CHAMP1: variants seen among roughly 807,000 people sequenced by gnomAD.
The protein encoded by CHAMP1 is chromosome alignment-maintaining phosphoprotein 1.
CHAMP1 carries 4 observed loss-of-function variants against 54.5 expected under a neutral mutation model. The ratio of observed to expected loss-of-function variants is 0.07; its 90% confidence interval spans 0.04 to 0.17. CHAMP1 has a LOEUF of 0.17. Among genes scored for constraint, CHAMP1 ranks in the 10% least tolerant of loss-of-function variants. The pLI, the probability that CHAMP1 is intolerant of heterozygous loss-of-function variation, is 1.00. For missense variants in CHAMP1, 994 were observed against 968.6 expected, an observed-to-expected ratio of 1.03 and a Z score of -0.35; for synonymous variants, 368 against 342.2, an observed-to-expected ratio of 1.08 and a Z score of -0.83.
intron 1 of CHAMP1, among the ~76,000 whole-genome samples, chr13:114,317,203 A>G (rs987728928): frequency 1.3e-5 from 2 of 152,068 alleles, no homozygotes; most frequent in African/African-American, 4.8e-5. Context: ...TTTTTAGTAG[A>G]GACAGGGTTT....
Position 114,325,215 on chromosome 13 carries a change from C to T in CHAMP1, c.1373C>T (p.Thr458Ile), listed in dbSNP as rs782647633. ...LWKLSPDQRK[T>I]SPASLDFPES... Reference sequence around the variant, plus strand: ...AAGCTTTCTCCTGATCAGCGGAAAACTTCTCCTGCTTCACTTGATTTCCCT... The same window carrying T: ...AAGCTTTCTCCTGATCAGCGGAAAATTTCTCCTGCTTCACTTGATTTCCCT... Residue 458 changes from threonine (T) to isoleucine (I), a missense_variant, in exon 3 of 3, where the codon ACT (threonine) becomes ATT (isoleucine). Around this residue, in one of 3 missense-constraint regions of CHAMP1, gnomAD observed 851 missense variants for 701.3 expected, o/e 1.21. Coordinates refer to ENST00000361283, the MANE Select transcript of CHAMP1 (RefSeq NM_032436.4). 9 of 1,614,180 alleles carry T rather than the reference C, an allele frequency of 5.6e-6. No homozygotes were observed. Among genetic ancestry groups the T allele is most frequent in the Non-Finnish European group, 7.6e-6 (9 of 1,180,036 alleles).
At chr13:114,322,973 C>T (rs1005209773) in intron 2 of CHAMP1, 5 of 152,050 alleles carry the variant, frequency 3.3e-5, no homozygotes, top group South Asian at 2.1e-4. Flanking sequence ...TCATGTTTTC[C>T]GGCAACTGTG....
intron 1 of CHAMP1, among the ~76,000 whole-genome samples, chr13:114,317,703 A>G (rs774212073): frequency 6.6e-6 from 1 of 152,166 alleles, no homozygotes; most frequent in Admixed American, 6.5e-5. Flanking sequence ...AGCTTTGAAC[A>G]TGTTCTACTT....
In CHAMP1 at chr13:114,319,694, T is replaced by C. The variant is rs115369265; in HGVS notation, c.-178-1416T>C. ...CAAGGCTGACTGTAGGACCTGAGTA[T>C]GTGTGGATTTTGGCATATGGGGGAA... is the stretch of plus-strand genomic sequence containing the variant. On this transcript the variant is annotated intron_variant, in intron 1 of 2. Coordinates refer to ENST00000361283, the MANE Select transcript of CHAMP1 (RefSeq NM_032436.4). Among the ~76,000 whole-genome samples, 1,299 of 152,316 alleles carry C rather than the reference T, an allele frequency of 8.5e-3. 19 individuals are homozygous for C. Among genetic ancestry groups the C allele is most frequent in the African/African-American group, 0.03 (1,239 of 41,564 alleles).
intron 1 of CHAMP1, among the ~76,000 whole-genome samples, chr13:114,316,265 G>C (rs914424730): frequency 2.7e-5 from 4 of 150,280 alleles, no homozygotes; most frequent in African/African-American, 9.8e-5. Flanking sequence ...TCGGATTTAA[G>C]CGATTCTCCT....
chr13:114,315,844 T>G (rs1198979248), intron 1 of CHAMP1, among the ~76,000 whole-genome samples: 7 of 151,738 alleles, frequency 4.6e-5, no homozygotes, highest in Non-Finnish European at 7.4e-5. Context: ...TGTTTTTTTT[T>G]TTTTTTTTGA....
Position 114,324,441 on chromosome 13 carries a change from C to T in CHAMP1, c.599C>T (p.Ala200Val). The T allele has an allele frequency of 3.1e-6, 5 of 1,614,156 alleles. No individual in the cohort carries two copies. The South Asian group carries it at 4.4e-5, about 14-fold the overall frequency. ...CCTGTTTGTGAGTCTCAGAAACTTG[C>T]CCCTGTTCCTTCTCCAGAACCACAG... ...SVPVCESQKL[A>V]PVPSPEPQKP... Residue 200 changes from alanine to valine, a missense_variant, in exon 3 of 3, where the codon GCC becomes GTC. By Grantham distance (64) the Ala-to-Val change is moderately conservative. Transcript: ENST00000361283.
chr13:114,315,595 T>C lies in CHAMP1; in HGVS notation c.-179+952T>C, dbSNP rs770339223. ...ACATTATACAGTATAAACGAGCACA[T>C]TGAACACATTATGTTGAGTGAAATA... On this transcript the variant is annotated intron_variant, in intron 1 of 2. Transcript: ENST00000361283. Among the ~76,000 whole-genome samples, 89 of 152,182 alleles carry C rather than the reference T, an allele frequency of 5.8e-4. 2 individuals are homozygous for C. Among genetic ancestry groups the C allele is most frequent in the Non-Finnish European group, 1.6e-4 (11 of 68,042 alleles).
intron 2 of CHAMP1, chr13:114,322,584 GT>G (rs1555379225): frequency 1.3e-5 from 2 of 152,184 alleles, no homozygotes; most frequent in African/African-American, 4.8e-5. Flanking sequence ...AGTAATAGAA[GT>G]TTTTGAGAGT....
At chr13:114,320,997 C>G (rs943145348) in intron 1 of CHAMP1, 113 bp from the exon 2 acceptor site, 2 of 150,362 alleles carry the variant, frequency 1.3e-5, no homozygotes, top group Non-Finnish European at 2.9e-5. Context: ...CTGGACTCCT[C>G]TCACTGTTAG....
At chr13:114,320,724 A>C (rs1297140323) in intron 1 of CHAMP1, among the ~76,000 whole-genome samples, 1 of 152,076 alleles carries the variant, frequency 6.6e-6, no homozygotes, top group African/African-American at 2.4e-5. Flanking sequence ...TGGGAGGCCG[A>C]GGCGGGCGGA....
Position 114,324,865 on chromosome 13 carries a change from A to C in CHAMP1, c.1023A>C (p.Pro341=). 1 of 1,614,102 alleles carries C rather than the reference A, an allele frequency of 6.2e-7. No homozygotes were observed. Among genetic ancestry groups the C allele is most frequent in the Non-Finnish European group, 8.5e-7 (1 of 1,180,010 alleles). ...SGPWKPAKPA[P]SVSPGPWKPI... is the part of the protein sequence containing the mutation. Reference sequence around the variant, plus strand: ...CTTGGAAGCCAGCTAAACCTGCTCCATCTGTGTCTCCTGGACCTTGGAAAC... The same window carrying C: ...CTTGGAAGCCAGCTAAACCTGCTCCCTCTGTGTCTCCTGGACCTTGGAAAC... The change falls in exon 3 of 3, where the codon CCA becomes CCC. Residue 341 remains proline (P), a synonymous_variant. Transcript: ENST00000361283.
chr13:114,321,258 T>TAGG (rs1378730646), intron 2 of CHAMP1, 26 bp downstream of exon 2: 2 of 151,592 alleles, frequency 1.3e-5, no homozygotes, highest in African/African-American at 4.9e-5. Flanking sequence ...AAAGCATGCT[T>TAGG]AGGAGAATAT....
chr13:114,321,652 G>A (rs988531405), intron 2 of CHAMP1, among the ~76,000 whole-genome samples: 10 of 152,220 alleles, frequency 6.6e-5, no homozygotes, highest in African/African-American at 1.7e-4. Flanking sequence ...CATATCCTAC[G>A]TTTTCCCCTA....
At position 114,325,505 on chromosome 13, in the gene CHAMP1, C is replaced by A; in HGVS notation, c.1663C>A (p.Arg555=). The change falls in exon 3 of 3, where the codon CGG becomes AGG. Residue 555 remains arginine (R), a synonymous_variant. Coordinates refer to ENST00000361283, the MANE Select transcript of CHAMP1 (RefSeq NM_032436.4). ...CAAACGTGCCCTTTTTCCAGAGCCC[C>A]GGAAGCATGCCCTTTTCCCTGAACT... ...ARKRALFPEP[R]KHALFPELPK... is the part of the protein sequence containing the mutation. The A allele has an allele frequency of 6.2e-7, 1 of 1,614,134 alleles. No homozygotes were observed. Among genetic ancestry groups the A allele is most frequent in the Non-Finnish European group, 8.5e-7 (1 of 1,180,032 alleles).
At chr13:114,323,425 T>A (rs2087197523) in intron 2 of CHAMP1, 1 of 158,780 alleles carries the variant, frequency 6.3e-6, no homozygotes, top group African/African-American at 2.4e-5. Context: ...GTACTCGGAG[T>A]TTGAGAGTCA....
At chr13:114,321,546 T>A (rs782697981) in intron 2 of CHAMP1, among the ~76,000 whole-genome samples, 1 of 152,206 alleles carries the variant, frequency 6.6e-6, no homozygotes, top group Non-Finnish European at 1.5e-5. Flanking sequence ...GTCTCTGTTG[T>A]AATTACAATA....
intron 1 of CHAMP1, among the ~76,000 whole-genome samples, chr13:114,315,125 G>A (rs2087079537): frequency 6.6e-6 from 1 of 152,154 alleles, no homozygotes; most frequent in African/African-American, 2.4e-5. Context: ...AATTTGAATA[G>A]ATATTTCTCC....
intron 1 of CHAMP1, among the ~76,000 whole-genome samples, chr13:114,318,904 T>TA (rs1172461599): frequency 7.3e-6 from 1 of 137,560 alleles, no homozygotes; most frequent in African/African-American, 2.8e-5. Flanking sequence ...CCTAGTTTGT[T>TA]AGAGACTCTC....
Sources: gnomAD v4.1 joint callset for allele counts (sites outside exome capture counted in the v4.1 genomes callset) on GRCh38, gnomAD v4.1.1 for gene constraint, gnomAD v4.1.1 regional missense constraint, MANE v1.5 for transcripts, NCBI Gene and HGNC (gene_info 2026-07-23, HGNC 2026-07-21) for gene names.